KIFC1: variants seen among roughly 807,000 people sequenced by gnomAD.
KIFC1 encodes the protein kinesin family member C1.
KIFC1 carries 37 observed loss-of-function variants against 66.6 expected under a neutral mutation model. The observed-to-expected ratio is 0.56, with a 90% CI of 0.43 to 0.73. The LOEUF is 0.73. Ranked by LOEUF, KIFC1 falls within the 30% of genes least tolerant of loss-of-function variation. The pLI is 0.00. For synonymous variants in KIFC1, 325 were observed against 343.5 expected, an observed-to-expected ratio of 0.95 and a Z score of 0.60; for missense variants, 721 against 859.8, an observed-to-expected ratio of 0.84 and a Z score of 2.02.
At chr6:33,407,058 A>C in intron 10 of KIFC1, 183 bp downstream of exon 10, 1 of 1,419,614 alleles carries the variant, frequency 7.0e-7, no homozygotes. Context: ...TTTTTAAAAA[A>C]CGGGTGATTA....
Position 33,400,702 on chromosome 6 carries a change from A to C in KIFC1, c.250+2315A>C, listed in dbSNP as rs905217589. 1.7e-6 allele frequency: 1 copy of C among 575,578 alleles called. No individual in the cohort carries two copies. The highest frequency in any genetic ancestry group is 3.1e-6 in the Non-Finnish European group (1 of 322,352). 35.7% of individuals were successfully genotyped at this position (575,578 alleles called of 1,614,324 possible). A position where few individuals can be genotyped will look rare whatever the true frequency, so the allele number is the denominator to read the frequency against. On this transcript the variant is annotated intron_variant, in intron 3 of 10. Coordinates refer to ENST00000428849, the MANE Select transcript of KIFC1 (RefSeq NM_002263.4). This position sits in a 1 kb window ranked among gnomAD's most constrained non-coding sequence, Gnocchi z 4.3. ...CGCTCTGTCGCCCAGGCTGGAGTGCAGTGGCACAATCTCGGCTCACTGCAA... is the reference window on the plus strand; with the variant it reads ...CGCTCTGTCGCCCAGGCTGGAGTGCCGTGGCACAATCTCGGCTCACTGCAA...
rs1236658178 is a variant in KIFC1, at chr6:33,404,590, A to G, written c.757-262A>G. On this transcript the variant is annotated intron_variant, in intron 6 of 10. Coordinates refer to ENST00000428849, the MANE Select transcript of KIFC1 (RefSeq NM_002263.4). The surrounding 1 kb of genome is among the most constrained non-coding windows in gnomAD (Gnocchi z 4.0). ...TTCTGGAATGTTCTTTGTATACTAC[A>G]TCCTTCCTTGGTTCACTCCTGTACT... Among the ~76,000 whole-genome samples, 1 of 151,970 alleles carries G rather than the reference A, an allele frequency of 6.6e-6. No homozygotes were observed. Among genetic ancestry groups the G allele is most frequent in the Non-Finnish European group, 1.5e-5 (1 of 68,002 alleles).
chr6:33,409,537 T>C (rs1395318869), intron 10 of KIFC1, 109 bp from the exon 11 acceptor site: 2 of 1,104,324 alleles, frequency 1.8e-6, no homozygotes, highest in Non-Finnish European at 1.4e-6. Context: ...GGAGGCCTTA[T>C]TTCGGTATTT....
chr6:33,406,780 G>C lies in KIFC1; in HGVS notation c.1902-20G>C. ...CTGCTGGCCCCTAATGCTGGGGTTG[G>C]GCACATTGTCTTTTCATAGGCTCAT... On this transcript the variant is annotated intron_variant, in intron 9 of 10. Coordinates refer to ENST00000428849, the MANE Select transcript of KIFC1 (RefSeq NM_002263.4). This position sits in a 1 kb window ranked among gnomAD's most constrained non-coding sequence, Gnocchi z 4.5. 1 of 1,614,058 alleles carries C rather than the reference G, an allele frequency of 6.2e-7. No homozygotes were observed. Among genetic ancestry groups the C allele is most frequent in the Non-Finnish European group, 8.5e-7 (1 of 1,179,978 alleles).
In KIFC1 at chr6:33,403,532, G is replaced by A. The variant is rs780533095; in HGVS notation, c.352G>A (p.Gly118Ser). 108 of 1,614,110 alleles carry A rather than the reference G, an allele frequency of 6.7e-5. 1 individual carries two copies. The highest frequency in any genetic ancestry group is 6.4e-5 in the Non-Finnish European group (75 of 1,179,942). Residue 118 changes from glycine (G) to serine (S), a missense_variant, in exon 5 of 11, where the codon GGC becomes AGC. By Grantham distance (56) the Gly-to-Ser change is moderately conservative. Transcript: ENST00000428849. This position sits in a 1 kb window ranked among gnomAD's most constrained non-coding sequence, Gnocchi z 4.6. ...PVPAVPVQKS[G>S]TSGVPPMAGG... Reference sequence around the variant, plus strand: ...TCCTGCTGTTCCTGTCCAGAAGTCTGGCAGTAAGTGACAAACATAACCACT... The same window carrying A: ...TCCTGCTGTTCCTGTCCAGAAGTCTAGCAGTAAGTGACAAACATAACCACT...
intron 1 of KIFC1, among the ~76,000 whole-genome samples, chr6:33,392,399 A>G (rs1393144738): frequency 6.6e-6 from 1 of 152,218 alleles, no homozygotes. Context: ...CTGAGGCCAC[A>G]TCCTTGCTGA....
In KIFC1 at chr6:33,404,774, A is replaced by G; in HGVS notation, c.757-78A>G. On this transcript the variant is annotated intron_variant, in intron 6 of 10. Coordinates refer to ENST00000428849, the MANE Select transcript of KIFC1 (RefSeq NM_002263.4). This position sits in a 1 kb window ranked among gnomAD's most constrained non-coding sequence, Gnocchi z 4.0. ...TTGAGCAGGGACCTCACTTCCACCC[A>G]CTCCATACGCCCCACAGTTTGTTCT... 2 of 1,391,918 alleles carry G rather than the reference A, an allele frequency of 1.4e-6. No homozygotes were observed. The highest frequency in any genetic ancestry group is 9.8e-7 in the Non-Finnish European group (1 of 1,021,092). 86.2% of individuals were successfully genotyped at this position (1,391,918 alleles called of 1,614,324 possible).
rs1046820463 is a variant in KIFC1 at position 33,401,072 on chromosome 6, C to T, written c.251-2242C>T. On this transcript the variant is annotated intron_variant, in intron 3 of 10. Coordinates refer to ENST00000428849, the MANE Select transcript of KIFC1 (RefSeq NM_002263.4). The surrounding 1 kb of genome is among the most constrained non-coding windows in gnomAD (Gnocchi z 4.5). Reference sequence around the variant, plus strand: ...TTTTCTATCTAAATTTTGTTTTGGGCGGGGAGCATATATTCAGGGCAATAT... The same window carrying T: ...TTTTCTATCTAAATTTTGTTTTGGGTGGGGAGCATATATTCAGGGCAATAT... 5.9e-5 allele frequency among the ~76,000 whole-genome samples: 9 copies of T among 152,088 alleles called. No individual in the cohort carries two copies.
intron 10 of KIFC1, among the ~76,000 whole-genome samples, chr6:33,409,168 C>T (rs1775789345): frequency 1.3e-5 from 2 of 152,030 alleles, no homozygotes; most frequent in South Asian, 4.1e-4. Flanking sequence ...TCCGTCTCAA[C>T]AACAACAACA....
Position 33,406,798 on chromosome 6 carries a change from A to G in KIFC1, c.1902-2A>G. ...GGGGTTGGGCACATTGTCTTTTCAT[A>G]GGCTCATGTTTGTGAACATTTCTCC... On this transcript the variant is annotated splice_acceptor_variant, in intron 9 of 10. Transcript: ENST00000428849. LOFTEE classifies it high-confidence loss of function. The surrounding 1 kb of genome is among the most constrained non-coding windows in gnomAD (Gnocchi z 4.5). 6.2e-7 allele frequency: 1 copy of G among 1,614,128 alleles called. No individual in the cohort carries two copies. Among genetic ancestry groups the G allele is most frequent in the African/African-American group, 1.3e-5 (1 of 75,016 alleles).
At position 33,409,715 on chromosome 6, in the gene KIFC1, GTGTGT is replaced by G; in HGVS notation, c.*26_*30del. The G allele has an allele frequency of 2.5e-6, 2 of 804,124 alleles. No homozygotes were observed. Among genetic ancestry groups the G allele is most frequent in the Non-Finnish European group, 3.7e-6 (2 of 540,592 alleles). 49.8% of individuals were successfully genotyped at this position (804,124 alleles called of 1,614,324 possible). On this transcript the variant is annotated 3_prime_UTR_variant, in exon 11 of 11. Coordinates refer to ENST00000428849, the MANE Select transcript of KIFC1 (RefSeq NM_002263.4). ...AAGACGGATCCAGATCTGTGTGTGT[GTGTGT>G]GTGTGTGTGTGTGTGTGTGTGTGTG...
intron 1 of KIFC1, among the ~76,000 whole-genome samples, chr6:33,393,748 A>T (rs1399680778): frequency 1.3e-4 from 15 of 115,764 alleles, no homozygotes; most frequent in Admixed American, 2.7e-4. Context: ...GCCCTGCAAC[A>T]TTTTTTTTTT....
chr6:33,396,370 A>T (rs1394827837), intron 1 of KIFC1, among the ~76,000 whole-genome samples: 1 of 151,724 alleles, frequency 6.6e-6, no homozygotes, highest in African/African-American at 2.4e-5. Flanking sequence ...TAAACAAAAA[A>T]CAACTCTTCA....
Position 33,406,382 on chromosome 6 carries a change from G to A in KIFC1, c.1723G>A (p.Gly575Ser), listed in dbSNP as rs201396332. ...GGCCGGGAGTGAGCGACTTGACCCC[G>A]GCTTAGCCCTCGGCCCCGGGGAGCG... ...DLAGSERLDP[G>S]LALGPGERER... The change falls in exon 8 of 11, where the codon GGC becomes AGC. Residue 575 changes from glycine (G) to serine (S), a missense_variant. By Grantham distance (56) the Gly-to-Ser change is moderately conservative. Transcript: ENST00000428849. This position sits in a 1 kb window ranked among gnomAD's most constrained non-coding sequence, Gnocchi z 4.5. 1.7e-5 allele frequency: 27 copies of A among 1,613,162 alleles called. No homozygotes were observed. In the Admixed American group the frequency reaches 2.5e-4, roughly 15 times the overall value.
rs772574358 is a variant in KIFC1, at chr6:33,405,625, G to A, written c.1530G>A (p.Glu510=). The change falls in exon 7 of 11, where the codon GAG becomes GAA. Residue 510 remains glutamate, a synonymous_variant. Coordinates refer to ENST00000428849, the MANE Select transcript of KIFC1 (RefSeq NM_002263.4). This position sits in a 1 kb window ranked among gnomAD's most constrained non-coding sequence, Gnocchi z 5.4. ...CTCGATATGTCCCTGTCTCCTGTGA[G>A]AAAGAAGTGAGGACCCATGGGCACT... ...TNARYVPVSC[E]KEVDALLHLA... 3 of 1,510,598 alleles carry A rather than the reference G, an allele frequency of 2.0e-6. No homozygotes were observed. Among genetic ancestry groups the A allele is most frequent in the African/African-American group, 1.4e-5 (1 of 72,072 alleles). The allele number at this position is 1,510,598 out of a possible 1,614,324, so 93.6% of individuals were successfully genotyped here. A position where few individuals can be genotyped will look rare whatever the true frequency, so the allele number is the denominator to read the frequency against.
In KIFC1 at chr6:33,400,298, T is replaced by G. The variant is rs1775305996; in HGVS notation, c.250+1911T>G. ...TGTTTCTTTCTGTCTCTTGGTGGTT[T>G]CTTGAGGGCTTTGATGATCGGGGCA... On this transcript the variant is annotated intron_variant, in intron 3 of 10. Coordinates refer to ENST00000428849, the MANE Select transcript of KIFC1 (RefSeq NM_002263.4). This position sits in a 1 kb window ranked among gnomAD's most constrained non-coding sequence, Gnocchi z 4.3. 6.3e-7 allele frequency: 1 copy of G among 1,577,042 alleles called. No homozygotes were observed. Among genetic ancestry groups the G allele is most frequent in the African/African-American group, 1.3e-5 (1 of 74,514 alleles).
chr6:33,409,686 A>T lies in KIFC1; in HGVS notation c.2018A>T (p.Lys673Met), dbSNP rs2151097492. The change falls in exon 11 of 11, where the codon AAG becomes ATG. Residue 673 changes from lysine to methionine, a missense_variant. Transcript: ENST00000428849. ...ATTGGTACTGCTCAGGCCAACAGGA[A>T]GTGAAGACGGATCCAGATCTGTGTG... ...CVIGTAQANR[K>M] 1 of 1,581,620 alleles carries T rather than the reference A, an allele frequency of 6.3e-7. No homozygotes were observed.
chr6:33,407,154 A>C, intron 10 of KIFC1: 3 of 1,076,264 alleles, frequency 2.8e-6, no homozygotes, highest in African/African-American at 1.6e-5. Context: ...CATGCCTATA[A>C]TCCGAACACT....
At chr6:33,399,961 C>T in intron 3 of KIFC1, 10 of 559,870 alleles carry the variant, frequency 1.8e-5, no homozygotes, top group South Asian at 7.1e-5. Flanking sequence ...ATTTTTTTTC[C>T]CACTTGCCAA....
Sources: allele counts gnomAD v4.1 joint callset (sites outside exome capture counted in the v4.1 genomes callset), GRCh38; gene constraint gnomAD v4.1.1; non-coding constraint Gnocchi (gnomAD v3.1); transcripts MANE v1.5; gene names NCBI Gene and HGNC (gene_info 2026-07-23, HGNC 2026-07-21).